FAT3: variants seen among roughly 807,000 people sequenced by gnomAD.
FAT3 encodes protocadherin Fat 3.
A neutral mutation model predicts 310.2 loss-of-function variants in FAT3; 95 were observed. The ratio of observed to expected loss-of-function variants is 0.31; its 90% CI spans 0.26 to 0.36. FAT3 has a LOEUF of 0.36. Ranked by LOEUF, FAT3 falls within the 10% of genes least tolerant of loss-of-function variation. The pLI, the probability that FAT3 is intolerant of heterozygous loss-of-function variation, is 1.00. For missense variants in FAT3, 5,408 were observed against 5,715.6 expected, an observed-to-expected ratio of 0.95 and a Z score of 1.74; for synonymous variants, 2,314 against 2,192.9, an observed-to-expected ratio of 1.06 and a Z score of -1.54.
At chr11:92,672,484 A>G (rs1252509418) in intron 3 of FAT3, among the ~76,000 whole-genome samples, 1 of 152,184 alleles carries the variant, frequency 6.6e-6, no homozygotes, top group Non-Finnish European at 1.5e-5. Flanking sequence ...TTAGAATGGA[A>G]AGTCTCTGGA....
In FAT3 at chr11:92,800,716, T is replaced by C. The variant is rs752126170; in HGVS notation, c.7703T>C (p.Val2568Ala). 1 of 1,613,798 alleles carries C rather than the reference T, an allele frequency of 6.2e-7. No individual in the cohort carries two copies. Among genetic ancestry groups the C allele is most frequent in the Non-Finnish European group, 8.5e-7 (1 of 1,179,822 alleles). ...LDRENPLEGD[V>A]SIFVRALDGG... is the part of the protein sequence containing the mutation. ...CGGGAAAACCCTCTAGAAGGGGATG[T>C]TAGTATTTTTGTGAGGGCCCTTGAT... Residue 2568 changes from valine to alanine, a missense_variant, in exon 10 of 28, where the codon GTT (valine) becomes GCT (alanine). Physicochemically the swap from Val to Ala is moderately conservative, Grantham distance 64. Around this residue, in one of 5 missense-constraint regions of FAT3, gnomAD observed 4,588 missense variants for 4,809.8 expected, o/e 0.95. Coordinates refer to ENST00000525166, the MANE Select transcript of FAT3 (RefSeq NM_001367949.2).
At chr11:92,868,458 A>G (rs1260414505) in intron 22 of FAT3, among the ~76,000 whole-genome samples, 2 of 152,196 alleles carry the variant, frequency 1.3e-5, no homozygotes, top group African/African-American at 4.8e-5. Flanking sequence ...TTCCCAAATG[A>G]TGGGCAGTAA....
rs557198830 is a variant in FAT3 at position 92,799,674 on chromosome 11, A to G, written c.6661A>G (p.Ile2221Val). The change falls in exon 10 of 28, where the codon ATC (isoleucine) becomes GTC (valine). Residue 2221 changes from isoleucine to valine, a missense_variant. This residue lies in a region of FAT3 where 4,588 missense variants were observed against 4,809.8 expected (regional missense o/e 0.95). Transcript: ENST00000525166. ...TCCAGAAGGCCAAGGCATCATATAT[A>G]TCATTATCGATGGGGACCCTTTTAA... ...TSPEGQGIIY[I>V]IIDGDPFKQF... The G allele has an allele frequency of 1.6e-5, 26 of 1,613,580 alleles. No individual in the cohort carries two copies. Among genetic ancestry groups the G allele is most frequent in the South Asian group, 6.6e-5 (6 of 91,002 alleles).
At chr11:92,781,242 C>T (rs1946745423) in intron 7 of FAT3, among the ~76,000 whole-genome samples, 1 of 151,540 alleles carries the variant, frequency 6.6e-6, no homozygotes, top group African/African-American at 2.4e-5. Flanking sequence ...GCCACCACGC[C>T]CGGCTAGTTT....
intron 3 of FAT3, among the ~76,000 whole-genome samples, chr11:92,598,644 G>A (rs941080662): frequency 6.6e-6 from 1 of 152,156 alleles, no homozygotes; most frequent in African/African-American, 2.4e-5. Flanking sequence ...AAGATATTCA[G>A]CTAGAAAGTG....
chr11:92,564,651 G>C (rs563250939), intron 3 of FAT3, among the ~76,000 whole-genome samples: 33 of 152,254 alleles, frequency 2.2e-4, no homozygotes, highest in African/African-American at 7.7e-4. Context: ...GCTCTCCTCA[G>C]TAAATGTAAA....
intron 14 of FAT3, among the ~76,000 whole-genome samples, chr11:92,833,565 T>C (rs1165205471): frequency 6.6e-6 from 1 of 152,190 alleles, no homozygotes; most frequent in East Asian, 1.9e-4. Context: ...AGAATGCGTA[T>C]TCTAATATAA....
At chr11:92,523,584 A>G (rs1020365250) in intron 2 of FAT3, among the ~76,000 whole-genome samples, 1 of 152,190 alleles carries the variant, frequency 6.6e-6, no homozygotes, top group Non-Finnish European at 1.5e-5. Flanking sequence ...ACAGGAATAC[A>G]GAGGATAGAG....
chr11:92,273,607 A>T (rs1946187106), intron 1 of FAT3, among the ~76,000 whole-genome samples: 1 of 152,142 alleles, frequency 6.6e-6, no homozygotes, highest in African/African-American at 2.4e-5. Context: ...AAGTTGTTAC[A>T]GAGCCTCTGA....
chr11:92,648,224 T>C (rs1942236044), intron 3 of FAT3, among the ~76,000 whole-genome samples: 2 of 152,224 alleles, frequency 1.3e-5, no homozygotes, highest in African/African-American at 4.8e-5. Context: ...TGCCATGTTT[T>C]AGTTTGGAGG....
chr11:92,525,780 G>T (rs1023959118), intron 3 of FAT3, among the ~76,000 whole-genome samples: 2 of 152,144 alleles, frequency 1.3e-5, no homozygotes, highest in Admixed American at 1.3e-4. Context: ...GGTTCAAAAA[G>T]TTAGGCTTAG....
At chr11:92,325,842 G>A (rs978109780) in intron 1 of FAT3, among the ~76,000 whole-genome samples, 2 of 152,174 alleles carry the variant, frequency 1.3e-5, no homozygotes, top group African/African-American at 4.8e-5. Context: ...GTGTTGGCGA[G>A]CATGGTCTCG....
rs566829599 is a variant in FAT3, at chr11:92,261,288, C to T, written c.-18+36114C>T. Among the ~76,000 whole-genome samples the T allele has an allele frequency of 3.1e-3, 468 of 152,196 alleles. 1 individual carries two copies. Among genetic ancestry groups the T allele is most frequent in the Middle Eastern group, 0.01 (3 of 294 alleles). ...AATAGGAAAGGTAAGGAGGGCTACA[C>T]CCAGTTTAAAGATATCTTTAAGCTA... On this transcript the variant is annotated intron_variant, in intron 1 of 27. Coordinates refer to ENST00000525166, the MANE Select transcript of FAT3 (RefSeq NM_001367949.2).
At chr11:92,426,084 C>T (rs949045841) in intron 2 of FAT3, among the ~76,000 whole-genome samples, 8 of 152,076 alleles carry the variant, frequency 5.3e-5, no homozygotes, top group Admixed American at 2.6e-4. Flanking sequence ...TTCTAACTAG[C>T]GTGAGATGGA....
intron 6 of FAT3, among the ~76,000 whole-genome samples, 164 bp downstream of exon 6, chr11:92,765,253 C>G (rs944428583): frequency 1.3e-5 from 2 of 152,072 alleles, no homozygotes; most frequent in African/African-American, 4.8e-5. Context: ...AATAATCGAC[C>G]TGTGCTTTCG....
At chr11:92,670,718 T>A (rs1307629422) in intron 3 of FAT3, among the ~76,000 whole-genome samples, 1 of 152,206 alleles carries the variant, frequency 6.6e-6, no homozygotes, top group African/African-American at 2.4e-5. Context: ...AGAAATGGCT[T>A]GAGTTTCAAA....
At chr11:92,718,840 CTCTAAG>C (rs1393941914) in intron 4 of FAT3, among the ~76,000 whole-genome samples, 1 of 152,166 alleles carries the variant, frequency 6.6e-6, no homozygotes, top group Non-Finnish European at 1.5e-5. Context: ...AATGAATGCA[CTCTAAG>C]TCTAATGATC....
At chr11:92,784,174 CCCCACTGGTAAA>C (rs1279417427) in intron 7 of FAT3, among the ~76,000 whole-genome samples, 3 of 152,132 alleles carry the variant, frequency 2.0e-5, no homozygotes, top group Middle Eastern at 3.2e-3. Context: ...TTCTCATTTT[CCCCACTGGTAAA>C]CCAGAAATAA....
At chr11:92,469,633 G>C (rs1454820906) in intron 2 of FAT3, among the ~76,000 whole-genome samples, 3 of 151,864 alleles carry the variant, frequency 2.0e-5, no homozygotes, top group African/African-American at 7.3e-5. Flanking sequence ...TCGTGCCTCA[G>C]CCTCCCGAGT....
Sources: allele counts gnomAD v4.1 joint callset (sites outside exome capture counted in the v4.1 genomes callset), GRCh38; gene constraint gnomAD v4.1.1; regional missense constraint gnomAD v4.1.1; transcripts MANE v1.5; gene names NCBI Gene and HGNC (gene_info 2026-07-23, HGNC 2026-07-21).